Variants in CLDN18 observed in about 807,000 individuals in gnomAD.
CLDN18 encodes the protein claudin 18.
A neutral mutation model predicts 25.0 loss-of-function variants in CLDN18; 20 were observed. The ratio of observed to expected loss-of-function variants is 0.80; its 90% confidence interval spans 0.56 to 1.16. The LOEUF is 1.16. CLDN18 is among the 50% of genes most tolerant of loss of function. The pLI, the probability that CLDN18 is intolerant of heterozygous loss-of-function variation, is 0.00. For missense variants in CLDN18, 297 were observed against 345.4 expected, an observed-to-expected ratio of 0.86 and a Z score of 1.11; for synonymous variants, 125 against 135.6, an observed-to-expected ratio of 0.92 and a Z score of 0.54.
At chr3:138,001,882 C>T (rs1439077133) in intron 1 of CLDN18, among the ~76,000 whole-genome samples, 1 of 152,170 alleles carries the variant, frequency 6.6e-6, no homozygotes, top group African/African-American at 2.4e-5. Context: ...ACAAAAACCA[C>T]ATTTGCAAAT....
rs775929081 is a variant in CLDN18 at position 138,023,672 on chromosome 3, G to A, written c.235G>A (p.Val79Met). 6.2e-7 allele frequency: 1 copy of A among 1,614,000 alleles called. No individual in the cohort carries two copies. Among genetic ancestry groups the A allele is most frequent in the Non-Finnish European group, 8.5e-7 (1 of 1,179,996 alleles). The change falls in exon 2 of 5, where the codon GTG (valine) becomes ATG (methionine). Residue 79 changes from valine (V) to methionine (M), a missense_variant. Val to Met is a conservative substitution (Grantham distance 21). Transcript: ENST00000183605. ...TTGTCCCACAGCCATGCTGCAGGCA[G>A]TGCGAGCCCTGATGATCGTAGGCAT... ...ILGLPAMLQAVRALMIVGIVL... is the reference protein window; with the variant it reads ...ILGLPAMLQAMRALMIVGIVL...
intron 1 of CLDN18, among the ~76,000 whole-genome samples, chr3:138,015,863 G>T (rs1049256336): frequency 6.6e-6 from 1 of 152,078 alleles, no homozygotes; most frequent in Admixed American, 6.5e-5. Flanking sequence ...ATGTCTCTTT[G>T]GAACTTACAG....
chr3:138,002,464 T>G (rs1270023011), intron 1 of CLDN18, among the ~76,000 whole-genome samples: 1 of 152,204 alleles, frequency 6.6e-6, no homozygotes, highest in Non-Finnish European at 1.5e-5. Context: ...TTCTGTTTAA[T>G]CTACATGACT....
intron 3 of CLDN18, among the ~76,000 whole-genome samples, chr3:138,025,898 T>C (rs1054331699): frequency 6.6e-6 from 1 of 152,194 alleles, no homozygotes; most frequent in Admixed American, 6.5e-5. Context: ...CCAGCCACTT[T>C]GCAGTTAGCA....
At chr3:138,013,625 A>T (rs1304892912) in intron 1 of CLDN18, among the ~76,000 whole-genome samples, 1 of 152,202 alleles carries the variant, frequency 6.6e-6, no homozygotes, top group Non-Finnish European at 1.5e-5. Flanking sequence ...GTAGGAGCAC[A>T]TAGCTATTGG....
At chr3:138,004,081 A>C (rs1277393505) in intron 1 of CLDN18, among the ~76,000 whole-genome samples, 1 of 152,064 alleles carries the variant, frequency 6.6e-6, no homozygotes, top group African/African-American at 2.4e-5. Flanking sequence ...GGCTGAGGCA[A>C]GAGAATCACT....
intron 1 of CLDN18, among the ~76,000 whole-genome samples, chr3:137,999,630 C>T (rs1941994143): frequency 6.6e-6 from 1 of 152,190 alleles, no homozygotes; most frequent in South Asian, 2.1e-4. Context: ...GGCCCCTGCA[C>T]TGGGGCTCCA....
intron 3 of CLDN18, among the ~76,000 whole-genome samples, chr3:138,028,044 C>A (rs1942345748): frequency 6.6e-6 from 1 of 152,040 alleles, no homozygotes; most frequent in Non-Finnish European, 1.5e-5. Flanking sequence ...TACTTTAATC[C>A]TGCTAAAGTG....
intron 1 of CLDN18, among the ~76,000 whole-genome samples, chr3:138,013,410 C>A (rs1454227306): frequency 3.3e-5 from 5 of 152,182 alleles, no homozygotes; most frequent in Admixed American, 2.6e-4. Context: ...TGGCTTGACA[C>A]AACAAAAGTT....
chr3:138,013,763 A>C (rs1942168671), intron 1 of CLDN18, among the ~76,000 whole-genome samples: 1 of 152,210 alleles, frequency 6.6e-6, no homozygotes, highest in Non-Finnish European at 1.5e-5. Context: ...GTCAAAACCA[A>C]TGAGATTGCA....
intron 1 of CLDN18, among the ~76,000 whole-genome samples, chr3:138,015,294 G>A (rs774167690): frequency 8.3e-4 from 127 of 152,188 alleles, no homozygotes; most frequent in Non-Finnish European, 1.5e-3. Flanking sequence ...TAAAGGAGCT[G>A]GAAGGAGTAA....
chr3:137,999,334 C>A (rs1941990920), intron 1 of CLDN18, among the ~76,000 whole-genome samples: 1 of 152,184 alleles, frequency 6.6e-6, no homozygotes, highest in Non-Finnish European at 1.5e-5. Context: ...CCCAGAGGAA[C>A]TTATTTTTTC....
chr3:138,008,744 G>C (rs1942096050), upstream of CLDN18, among the ~76,000 whole-genome samples: 2 of 151,936 alleles, frequency 1.3e-5, no homozygotes, highest in Admixed American at 6.6e-5. Flanking sequence ...TAAGCAACAT[G>C]GTGAAACCCT....
intron 1 of CLDN18, among the ~76,000 whole-genome samples, chr3:138,014,158 CCAGA>C (rs1251058919): frequency 6.6e-6 from 1 of 151,942 alleles, no homozygotes; most frequent in Admixed American, 6.6e-5. Flanking sequence ...CCGTGTCAGG[CCAGA>C]CAAAGAGCTC....
At chr3:138,018,727 C>T (rs1942239006) in intron 1 of CLDN18, among the ~76,000 whole-genome samples, 1 of 152,166 alleles carries the variant, frequency 6.6e-6, no homozygotes, top group Non-Finnish European at 1.5e-5. Flanking sequence ...GATTACGTTT[C>T]AACATATAAA....
In CLDN18 at chr3:138,033,634, A is replaced by G. The variant is rs1942422463; in HGVS notation, c.*2493A>G. ...ATGTTTTGTTACTTAAATATTAAAA[A>G]CACTGTTATCCTACAGTTGAATAGC... is the stretch of plus-strand genomic sequence containing the variant. On this transcript the variant is annotated 3_prime_UTR_variant, in exon 5 of 5. Transcript: ENST00000183605. The G allele has an allele frequency of 6.6e-6, 1 of 152,188 alleles. No homozygotes were observed. Among genetic ancestry groups the G allele is most frequent in the African/African-American group, 2.4e-5 (1 of 41,448 alleles). The allele number at this position is 152,188 out of a possible 1,614,324, so 9.4% of individuals were successfully genotyped here.
rs910853736 is a variant in CLDN18 at position 138,031,872 on chromosome 3, T to C, written c.*731T>C. The stretch of plus-strand genomic sequence containing the variant: ...CCTAGATGAATGAGAAAATTATTTT[T>C]TTTAATTTAAGTCCTAAATATAGTT... On this transcript the variant is annotated 3_prime_UTR_variant, in exon 5 of 5. Transcript: ENST00000183605. The C allele has an allele frequency of 6.6e-6, 1 of 152,214 alleles. No homozygotes were observed. Among genetic ancestry groups the C allele is most frequent in the Non-Finnish European group, 1.5e-5 (1 of 68,038 alleles). 9.4% of individuals were successfully genotyped at this position (152,214 alleles called of 1,614,324 possible). A position where few individuals can be genotyped will look rare whatever the true frequency, so the allele number is the denominator to read the frequency against.
chr3:138,022,245 T>A (rs897941970), intron 1 of CLDN18, among the ~76,000 whole-genome samples: 6 of 152,158 alleles, frequency 3.9e-5, no homozygotes, highest in Admixed American at 2.0e-4. Context: ...TCTGCCCAGT[T>A]TGACTCAGAT....
rs748956270 is a variant in CLDN18, at chr3:138,010,214, G to A, written c.-12G>A. On this transcript the variant is annotated 5_prime_UTR_variant, in exon 1 of 5. Coordinates refer to ENST00000183605, the MANE Select transcript of CLDN18 (RefSeq NM_016369.4). ...CAGCTTCTCGCAGGCGGCAGGGCGG[G>A]CGGCCAGGATCATGTCCACCACCAC... The A allele has an allele frequency of 2.1e-5, 34 of 1,609,548 alleles. No homozygotes were observed. In the Middle Eastern group the frequency reaches 5.3e-4, roughly 25 times the overall value.
Sources: gnomAD v4.1 joint callset for allele counts (sites outside exome capture counted in the v4.1 genomes callset) on GRCh38, gnomAD v4.1.1 for gene constraint, MANE v1.5 for transcripts, NCBI Gene and HGNC (gene_info 2026-07-23, HGNC 2026-07-21) for gene names.